CTSO: variants seen among roughly 807,000 people sequenced by gnomAD.
CTSO encodes the protein cathepsin O.
A neutral mutation model predicts 42.4 loss-of-function variants in CTSO; 40 were observed. The ratio of observed to expected loss-of-function variants is 0.94; its 90% confidence interval spans 0.73 to 1.23. The LOEUF is 1.23. CTSO is among the 50% of genes most tolerant of loss of function. The pLI is 0.00. For missense variants in CTSO, 441 were observed against 396.0 expected (o/e 1.11, Z -0.96); for synonymous variants, 156 against 146.2 (o/e 1.07, Z -0.48).
In CTSO at chr4:155,925,894, C is replaced by CT. The variant is rs1336713923; in HGVS notation, c.*141dup. ...TCTACAAGAAGGGAACATTCTGAAA[C>CT]TTAGTTTAAATACTACTAGGCCTTA... On this transcript the variant is annotated 3_prime_UTR_variant, in exon 8 of 8. Coordinates refer to ENST00000433477, the MANE Select transcript of CTSO (RefSeq NM_001334.3). 1.4e-6 allele frequency: 1 copy of CT among 725,898 alleles called. No individual in the cohort carries two copies. The highest frequency in any genetic ancestry group is 2.3e-6 in the Non-Finnish European group (1 of 438,512). The allele number at this position is 725,898 out of a possible 1,614,324, so 45.0% of individuals were successfully genotyped here. A position where few individuals can be genotyped will look rare whatever the true frequency, so the allele number is the denominator to read the frequency against.
intron 1 of CTSO, among the ~76,000 whole-genome samples, chr4:155,952,647 C>G (rs1468440729): frequency 1.3e-5 from 2 of 152,184 alleles, no homozygotes; most frequent in Non-Finnish European, 2.9e-5. Context: ...CAGTACACAT[C>G]TCGGTTTGGA....
intron 3 of CTSO, among the ~76,000 whole-genome samples, chr4:155,940,654 C>T (rs1214678166): frequency 6.6e-6 from 1 of 152,042 alleles, no homozygotes; most frequent in East Asian, 1.9e-4. Context: ...ACCAGCCTGA[C>T]CAACATGGTG....
chr4:155,933,400 C>A (rs778129662), intron 5 of CTSO, among the ~76,000 whole-genome samples: 5 of 152,070 alleles, frequency 3.3e-5, no homozygotes, highest in Non-Finnish European at 7.4e-5. Flanking sequence ...TTCCCAGTCT[C>A]GGGTATGTCT....
At chr4:155,936,212 C>T (rs1353086061) in intron 5 of CTSO, among the ~76,000 whole-genome samples, 4 of 152,194 alleles carry the variant, frequency 2.6e-5, no homozygotes, top group Non-Finnish European at 1.5e-5. Flanking sequence ...ATAAATCCTA[C>T]ATGGTCTGCC....
rs1743456653 is a variant in CTSO, at chr4:155,942,411, G to C, written c.290C>G (p.Ala97Gly). 6.3e-7 allele frequency: 1 copy of C among 1,581,212 alleles called. No individual in the cohort carries two copies. The highest frequency in any genetic ancestry group is 8.6e-7 in the Non-Finnish European group (1 of 1,164,892). Reference sequence around the variant, plus strand: ...ATTGGGGATGGACATATGTACTTCTGCTGAGTATCTGGGAAACTTGGAAGG... The same window carrying C: ...ATTGGGGATGGACATATGTACTTCTCCTGAGTATCTGGGAAACTTGGAAGG... The part of the protein sequence containing the change: ...SKPSKFPRYS[A>G]EVHMSIPNVS... The change falls in exon 3 of 8, where the codon GCA becomes GGA. Residue 97 changes from alanine to glycine, a missense_variant. Coordinates refer to ENST00000433477, the MANE Select transcript of CTSO (RefSeq NM_001334.3).
chr4:155,926,024 C>T lies in CTSO; in HGVS notation c.*12G>A, dbSNP rs151248239. On this transcript the variant is annotated 3_prime_UTR_variant, in exon 8 of 8. Coordinates refer to ENST00000433477, the MANE Select transcript of CTSO (RefSeq NM_001334.3). ...TTCATTTTTGTAGCTGTCTCTTGAT[C>T]TGCCCAACATGTCACACAAATATAG... 246 of 1,602,316 alleles carry T rather than the reference C, an allele frequency of 1.5e-4. No individual in the cohort carries two copies. In the African/African-American group the frequency reaches 2.8e-3, roughly 18 times the overall value.
intron 1 of CTSO, among the ~76,000 whole-genome samples, chr4:155,950,419 T>G (rs1025560621): frequency 1.3e-5 from 2 of 152,258 alleles, no homozygotes; most frequent in African/African-American, 4.8e-5. Flanking sequence ...GATAAATGTA[T>G]GGGAAGATGA....
chr4:155,946,805 A>G (rs778281212), intron 1 of CTSO, among the ~76,000 whole-genome samples: 3 of 152,310 alleles, frequency 2.0e-5, no homozygotes, highest in Middle Eastern at 3.4e-3. Context: ...TTGCAAAACC[A>G]TTAATAACAT....
intron 3 of CTSO, 100 bp downstream of exon 3, chr4:155,942,206 ATGTGATTTTCC>A: frequency 1.2e-6 from 1 of 861,036 alleles, no homozygotes; most frequent in South Asian, 3.3e-5. Flanking sequence ...GATGACTGAG[ATGTGATTTTCC>A]TAGAGAAATG....
chr4:155,941,050 T>C (rs1346833114), intron 3 of CTSO, among the ~76,000 whole-genome samples: 1 of 152,246 alleles, frequency 6.6e-6, no homozygotes, highest in Admixed American at 6.5e-5. Context: ...GACATGTTAT[T>C]ACAAATCCAA....
chr4:155,930,532 CT>C (rs1464946009), intron 5 of CTSO, among the ~76,000 whole-genome samples: 1 of 152,100 alleles, frequency 6.6e-6, no homozygotes, highest in Non-Finnish European at 1.5e-5. Context: ...ATTATTTACA[CT>C]TTTCAAAGGT....
Position 155,943,141 on chromosome 4 carries a change from A to G in CTSO, c.244+15T>C, listed in dbSNP as rs1314033246. 2 of 1,461,128 alleles carry G rather than the reference A, an allele frequency of 1.4e-6. No individual in the cohort carries two copies. The highest frequency in any genetic ancestry group is 1.9e-6 in the Non-Finnish European group (2 of 1,060,564). The allele number at this position is 1,461,128 out of a possible 1,614,324, so 90.5% of individuals were successfully genotyped here. ...AAAATCAGGAAACCACCTAAATAGC[A>G]ACATCGGACTATACCTTTAAACTCT... On this transcript the variant is annotated intron_variant, in intron 2 of 7. Transcript: ENST00000433477.
intron 5 of CTSO, among the ~76,000 whole-genome samples, chr4:155,931,775 A>G (rs1261415141): frequency 1.3e-5 from 2 of 151,334 alleles, no homozygotes; most frequent in Non-Finnish European, 2.9e-5. Context: ...TTTGGAAATA[A>G]TAATTCGTTA....
Position 155,929,689 on chromosome 4 carries a change from T to G in CTSO, c.691A>C (p.Met231Leu). The change falls in exon 6 of 8, where the codon ATG (methionine) becomes CTG (leucine). Residue 231 changes from methionine (M) to leucine (L), a missense_variant. Physicochemically the swap from Met to Leu is conservative, Grantham distance 15. Coordinates refer to ENST00000433477, the MANE Select transcript of CTSO (RefSeq NM_001334.3). ...AYDFSDQEDE[M>L]AKALLTFGPL... ...CCAAAGGTAAGAAGTGCTTTTGCCA[T>G]TTCATCTTCTTGGTCACTACCAAAA... 6.2e-7 allele frequency: 1 copy of G among 1,609,912 alleles called. No individual in the cohort carries two copies. The highest frequency in any genetic ancestry group is 8.5e-7 in the Non-Finnish European group (1 of 1,179,054).
chr4:155,931,415 C>T lies in CTSO; in HGVS notation c.675-1710G>A, dbSNP rs144191499. On this transcript the variant is annotated intron_variant, in intron 5 of 7. Coordinates refer to ENST00000433477, the MANE Select transcript of CTSO (RefSeq NM_001334.3). ...TTTTTAGAATGCAAAGGGTAACTGA[C>T]ATTGCAGAATCAAAGAAACAATTTA... Among the ~76,000 whole-genome samples the T allele has an allele frequency of 1.1e-3, 169 of 152,246 alleles. 1 individual carries two copies. The highest frequency in any genetic ancestry group is 3.9e-3 in the African/African-American group (164 of 41,558).
chr4:155,944,408 A>T (rs1383197371), intron 1 of CTSO, among the ~76,000 whole-genome samples: 1 of 152,240 alleles, frequency 6.6e-6, no homozygotes, highest in Non-Finnish European at 1.5e-5. Flanking sequence ...AAATGTAAAA[A>T]TAGAACTAGA....
intron 5 of CTSO, among the ~76,000 whole-genome samples, chr4:155,931,683 G>C (rs1040495825): frequency 6.6e-6 from 1 of 151,738 alleles, no homozygotes; most frequent in Non-Finnish European, 1.5e-5. Flanking sequence ...CATGTACATT[G>C]TTATAATGGC....
intron 1 of CTSO, among the ~76,000 whole-genome samples, chr4:155,947,946 T>C (rs1427162220): frequency 2.0e-5 from 3 of 152,242 alleles, no homozygotes; most frequent in Non-Finnish European, 4.4e-5. Context: ...AGGAAACTTC[T>C]CATTGATACT....
rs912020539 is a variant in CTSO at position 155,928,398 on chromosome 4, G to C, written c.869C>G (p.Ser290Cys). 6.2e-7 allele frequency: 1 copy of C among 1,612,912 alleles called. No individual in the cohort carries two copies. The highest frequency in any genetic ancestry group is 8.5e-7 in the Non-Finnish European group (1 of 1,179,448). ...ATCTACTCCCCAAGAACTTCCCCAG[G>C]AATTCCGCACAATCCAATATGGAGT... ...GSTPYWIVRNSWGSSWGVDGY... is the reference protein window; with the variant it reads ...GSTPYWIVRNCWGSSWGVDGY... The change falls in exon 7 of 8, where the codon TCC (serine) becomes TGC (cysteine). Residue 290 changes from serine to cysteine, a missense_variant. By Grantham distance (112) the Ser-to-Cys change is moderately radical. Coordinates refer to ENST00000433477, the MANE Select transcript of CTSO (RefSeq NM_001334.3).
Sources: gnomAD v4.1 joint callset for allele counts (sites outside exome capture counted in the v4.1 genomes callset) on GRCh38, gnomAD v4.1.1 for gene constraint, MANE v1.5 for transcripts, NCBI Gene and HGNC (gene_info 2026-07-23, HGNC 2026-07-21) for gene names.